Variants in CDH20 observed in about 807,000 individuals in gnomAD.
The protein encoded by CDH20 is cadherin-20.
In CDH20, 29 loss-of-function variants were observed where a neutral mutation model predicts 74.2. That is an observed-to-expected ratio of 0.39 (90% CI 0.29 to 0.53). The LOEUF is 0.53. Among genes scored for constraint, CDH20 ranks in the 20% least tolerant of loss-of-function variants. The probability of loss-of-function intolerance (pLI) is 0.69; values close to 1 mark genes in which losing one functional copy is unlikely to be tolerated. For missense variants in CDH20, 988 were observed against 1,048.3 expected (o/e 0.94, Z 0.79); for synonymous variants, 469 against 405.4 (o/e 1.16, Z -1.88).
At chr18:61,501,944 C>A (rs1204264508) in intron 4 of CDH20, among the ~76,000 whole-genome samples, 1 of 152,046 alleles carries the variant, frequency 6.6e-6, no homozygotes, top group Non-Finnish European at 1.5e-5. Context: ...TATAGCTGTG[C>A]CCATGGGGGG....
At chr18:61,453,968 T>G (rs1386356458) in intron 1 of CDH20, among the ~76,000 whole-genome samples, 2 of 152,162 alleles carry the variant, frequency 1.3e-5, no homozygotes, top group Non-Finnish European at 1.5e-5. Flanking sequence ...TCACCAGCAT[T>G]TGGTGTTGGC....
At chr18:61,484,407 T>G (rs1328813690) in intron 1 of CDH20, among the ~76,000 whole-genome samples, 5 of 152,146 alleles carry the variant, frequency 3.3e-5, no homozygotes, top group African/African-American at 1.2e-4. Context: ...TTAAAACATT[T>G]ACTAGATACT....
At chr18:61,449,008 A>T (rs1357652578) in intron 1 of CDH20, among the ~76,000 whole-genome samples, 4 of 152,202 alleles carry the variant, frequency 2.6e-5, no homozygotes, top group African/African-American at 9.6e-5. Context: ...CCAGGTACTT[A>T]CAGAAGCTAC....
intron 1 of CDH20, among the ~76,000 whole-genome samples, chr18:61,432,149 G>T (rs1165699053): frequency 6.6e-6 from 1 of 150,626 alleles, no homozygotes; most frequent in African/African-American, 2.4e-5. Context: ...TCGAGAGACT[G>T]AGGCAGGAGA....
At chr18:61,538,944 T>G in intron 8 of CDH20, 80 bp from the exon 9 acceptor site, 2 of 1,531,262 alleles carry the variant, frequency 1.3e-6, no homozygotes, top group Non-Finnish European at 1.8e-6. Context: ...AAATACCGAC[T>G]TCTAGCAAAA....
chr18:61,434,053 A>C (rs1053337712), intron 1 of CDH20, among the ~76,000 whole-genome samples: 2 of 152,116 alleles, frequency 1.3e-5, no homozygotes, highest in Non-Finnish European at 2.9e-5. Flanking sequence ...TAGGCCCCCA[A>C]ATCTGAGCAG....
chr18:61,467,776 G>A (rs533794557), intron 1 of CDH20, among the ~76,000 whole-genome samples: 89 of 152,230 alleles, frequency 5.8e-4, no homozygotes, highest in African/African-American at 2.0e-3. Flanking sequence ...AACCGTCTGG[G>A]CCTCAGAAAT....
chr18:61,349,376 C>A (rs1392551923), intron 1 of CDH20, among the ~76,000 whole-genome samples: 1 of 152,178 alleles, frequency 6.6e-6, no homozygotes, highest in African/African-American at 2.4e-5. Context: ...ACCCAGAGGA[C>A]TCCTTCTCTG....
intron 10 of CDH20, 104 bp downstream of exon 10, chr18:61,545,248 C>T (rs949271619): frequency 6.5e-6 from 5 of 767,146 alleles, no homozygotes; most frequent in South Asian, 5.8e-5. Flanking sequence ...CTGTTCCATA[C>T]CAGCAGGGAG....
At chr18:61,420,896 A>G (rs1456940427) in intron 1 of CDH20, among the ~76,000 whole-genome samples, 2 of 152,166 alleles carry the variant, frequency 1.3e-5, no homozygotes, top group African/African-American at 4.8e-5. Context: ...TCTACTAAAA[A>G]TACAAAAACT....
chr18:61,385,708 A>G (rs1198733430), intron 1 of CDH20, among the ~76,000 whole-genome samples: 2 of 152,084 alleles, frequency 1.3e-5, no homozygotes, highest in East Asian at 3.9e-4. Context: ...CAAGGTGGGC[A>G]GATCACAAGG....
At chr18:61,366,238 G>A (rs1194471275) in intron 1 of CDH20, among the ~76,000 whole-genome samples, 3 of 152,052 alleles carry the variant, frequency 2.0e-5, no homozygotes, top group Non-Finnish European at 2.9e-5. Flanking sequence ...ACATTCTGCC[G>A]CTTGGTATAA....
chr18:61,494,808 C>A (rs1911075601), intron 2 of CDH20, among the ~76,000 whole-genome samples: 1 of 152,160 alleles, frequency 6.6e-6, no homozygotes, highest in South Asian at 2.1e-4. Flanking sequence ...GTGCACGAAT[C>A]TGTGGGTCCA....
chr18:61,536,639 A>G lies in CDH20; in HGVS notation c.1408+10A>G. The G allele has an allele frequency of 1.2e-6, 2 of 1,613,156 alleles. No homozygotes were observed. The highest frequency in any genetic ancestry group is 1.7e-6 in the Non-Finnish European group (2 of 1,179,264). ...CTTGCTATGGAAATGAGTAAGTAGC[A>G]CAGTAAGTTGGTCTCCATGCAGTGA... On this transcript the variant is annotated intron_variant, in intron 8 of 11. Transcript: ENST00000262717.
rs1333573771 is a variant in CDH20, at chr18:61,404,854, T to G, written c.-153+71027T>G. The G allele has an allele frequency of 2.0e-5, 8 of 404,686 alleles. 1 individual carries two copies. The South Asian group carries it at 2.3e-4, about 12-fold the overall frequency. The allele number at this position is 404,686 out of a possible 1,614,324, so 25.1% of individuals were successfully genotyped here. On this transcript the variant is annotated intron_variant, in intron 1 of 11. Transcript: ENST00000262717. ...AATTTTATTAAAGGGAAATTTTGCA[T>G]GGTTTATTTTTCACCAGTCTGTTCT... is the stretch of plus-strand genomic sequence containing the variant.
rs1330545916 is a variant in CDH20, at chr18:61,347,307, T to C, written c.-153+13480T>C. Among the ~76,000 whole-genome samples the C allele has an allele frequency of 5.8e-3, 490 of 84,570 alleles. 6 individuals carry two copies. The highest frequency in any genetic ancestry group is 0.026 in the African/African-American group (472 of 18,060). The allele number at this position is 84,570 out of a possible 152,430, so 55.5% of individuals were successfully genotyped here. On this transcript the variant is annotated intron_variant, in intron 1 of 11. Transcript: ENST00000262717. The stretch of plus-strand genomic sequence containing the variant: ...CTGCTAATATATATATATATATATA[T>C]ATATATATATATACACACACACACA...
chr18:61,504,150 G>C (rs555689127), intron 5 of CDH20, among the ~76,000 whole-genome samples: 1 of 152,170 alleles, frequency 6.6e-6, no homozygotes, highest in Non-Finnish European at 1.5e-5. Flanking sequence ...CCATAGAAAC[G>C]TTTTTGAGCA....
chr18:61,409,945 C>G (rs1238370408), intron 1 of CDH20, among the ~76,000 whole-genome samples: 1 of 152,150 alleles, frequency 6.6e-6, no homozygotes, highest in African/African-American at 2.4e-5. Context: ...GATGTCTGAC[C>G]ACATTGCAGC....
At chr18:61,374,780 A>T (rs1011775267) in intron 1 of CDH20, among the ~76,000 whole-genome samples, 1 of 152,080 alleles carries the variant, frequency 6.6e-6, no homozygotes, top group African/African-American at 2.4e-5. Context: ...ACCTGTCTAC[A>T]CAAAGCAAGC....
Sources: gnomAD v4.1 joint callset for allele counts (sites outside exome capture counted in the v4.1 genomes callset) on GRCh38, gnomAD v4.1.1 for gene constraint, MANE v1.5 for transcripts, NCBI Gene and HGNC (gene_info 2026-07-23, HGNC 2026-07-21) for gene names.